The following NUP205 variants were observed in gnomAD, a reference collection of about 807,000 sequenced individuals.
NUP205 encodes the protein nuclear pore complex protein Nup205.
A neutral mutation model predicts 253.8 loss-of-function variants in NUP205; 76 were observed. That is an observed-to-expected ratio of 0.30 (90% confidence interval 0.25 to 0.36). The LOEUF (loss-of-function observed/expected upper bound fraction) is 0.36, where lower values mean the gene tolerates loss of function less well. Among genes scored for constraint, NUP205 ranks in the 10% least tolerant of loss-of-function variants. The probability of loss-of-function intolerance (pLI) is 1.00; values close to 1 mark genes in which losing one functional copy is unlikely to be tolerated. For missense variants in NUP205, 2,162 were observed against 2,425.5 expected, an observed-to-expected ratio of 0.89 and a Z score of 2.28; for synonymous variants, 832 against 850.1, an observed-to-expected ratio of 0.98 and a Z score of 0.37.
At chr7:135,585,607 G>A (rs1049652592) in intron 8 of NUP205, among the ~76,000 whole-genome samples, 4 of 151,546 alleles carry the variant, frequency 2.6e-5, no homozygotes, top group South Asian at 2.1e-4. Context: ...AGGCTGGAGT[G>A]CAGTGGTGTG....
At chr7:135,630,289 ATAAT>A in intron 34 of NUP205, 51 bp from the exon 35 acceptor site, 1 of 1,354,120 alleles carries the variant, frequency 7.4e-7, no homozygotes, top group Non-Finnish European at 9.9e-7. Flanking sequence ...GCATTTATAT[ATAAT>A]TTTCTACTTC....
intron 18 of NUP205, among the ~76,000 whole-genome samples, chr7:135,603,573 A>G (rs1343701924): frequency 6.7e-6 from 1 of 149,312 alleles, no homozygotes; most frequent in Non-Finnish European, 1.5e-5. Flanking sequence ...GCGGTGGTAC[A>G]ATCTTGGCTC....
At chr7:135,621,138 C>A (rs7784162) in intron 30 of NUP205, among the ~76,000 whole-genome samples, 36,364 of 152,080 alleles carry the variant, frequency 0.24, 4,513 homozygotes, top group South Asian at 0.32. Context: ...GTAAGGTTGA[C>A]TTGATCTCAT....
At chr7:135,574,204 C>CA (rs1806085546) in intron 3 of NUP205, among the ~76,000 whole-genome samples, 1 of 152,094 alleles carries the variant, frequency 6.6e-6, no homozygotes, top group Admixed American at 6.5e-5. Context: ...AAAGACATCT[C>CA]AGAAATTTTA....
rs1207805283 is a variant in NUP205, at chr7:135,648,748, A to C, written c.*192A>C. 9 of 382,224 alleles carry C rather than the reference A, an allele frequency of 2.4e-5. No homozygotes were observed. The highest frequency in any genetic ancestry group is 9.2e-6 in the Non-Finnish European group (2 of 218,254). 23.7% of individuals were successfully genotyped at this position (382,224 alleles called of 1,614,324 possible). On this transcript the variant is annotated 3_prime_UTR_variant, in exon 43 of 43. Coordinates refer to ENST00000285968, the MANE Select transcript of NUP205 (RefSeq NM_015135.3). Reference sequence around the variant, plus strand: ...TAAAAAATAAATACTTTTTAAAAAAACAAAACAAATGTATGGTTAATCTTT... The same window carrying C: ...TAAAAAATAAATACTTTTTAAAAAACCAAAACAAATGTATGGTTAATCTTT...
Position 135,648,496 on chromosome 7 carries a change from T to C in NUP205, c.5979T>C (p.Tyr1993=), listed in dbSNP as rs181956717. Residue 1993 remains tyrosine (Y), a synonymous_variant, in exon 43 of 43, where the codon TAT becomes TAC. Coordinates refer to ENST00000285968, the MANE Select transcript of NUP205 (RefSeq NM_015135.3). ...TATATTCAAAAGTTCGATCTCGATA[T>C]AGTTTCATACAGGCTCTTGTCAGAC... ...EGLYSKVRSR[Y]SFIQALVRRI... is the part of the protein sequence containing the mutation. 5.0e-6 allele frequency: 8 copies of C among 1,606,946 alleles called. No individual in the cohort carries two copies. The highest frequency in any genetic ancestry group is 2.3e-5 in the East Asian group (1 of 44,156).
Position 135,619,827 on chromosome 7 carries a change from C to T in NUP205, c.4269C>T (p.Gly1423=), listed in dbSNP as rs1407181274. 1 of 1,613,812 alleles carries T rather than the reference C, an allele frequency of 6.2e-7. No homozygotes were observed. The highest frequency in any genetic ancestry group is 1.3e-5 in the African/African-American group (1 of 75,026). Residue 1423 remains glycine, a synonymous_variant, in exon 30 of 43, where the codon GGC becomes GGT. Transcript: ENST00000285968. The part of the protein sequence containing the change: ...GFQRVRTHLY[G]SLLYYLQIAQ... Reference sequence around the variant, plus strand: ...AACGAGTGAGGACTCACTTGTATGGCTCTCTGCTTTATTACTTACAGATTG... The same window carrying T: ...AACGAGTGAGGACTCACTTGTATGGTTCTCTGCTTTATTACTTACAGATTG...
At chr7:135,578,617 A>G in intron 6 of NUP205, 134 bp from the exon 7 acceptor site, 1 of 586,820 alleles carries the variant, frequency 1.7e-6, no homozygotes, top group East Asian at 3.0e-5. Flanking sequence ...TTTGGGATGT[A>G]GAAATTAATG....
intron 39 of NUP205, among the ~76,000 whole-genome samples, chr7:135,643,766 G>C (rs1005794224): frequency 6.6e-6 from 1 of 152,126 alleles, no homozygotes; most frequent in African/African-American, 2.4e-5. Context: ...AGACTTGACT[G>C]CCTTCCCTCA....
chr7:135,614,162 A>G lies in NUP205; in HGVS notation c.3199A>G (p.Ile1067Val). 2 of 1,540,122 alleles carry G rather than the reference A, an allele frequency of 1.3e-6. No individual in the cohort carries two copies. The highest frequency in any genetic ancestry group is 1.8e-6 in the Non-Finnish European group (2 of 1,114,362). The change falls in exon 23 of 43, where the codon ATA becomes GTA. Residue 1067 changes from isoleucine (I) to valine (V), a missense_variant. Physicochemically the swap from Ile to Val is conservative, Grantham distance 29. Transcript: ENST00000285968. ...TTTTCTTACTTTAATGCTTTAGGTC[A>G]TATATCAGTTATGTGCATGCTCTGA... is the stretch of plus-strand genomic sequence containing the variant. Reference protein sequence around the residue: ...PQLAELCYQVIYQLCACSDTS... With the variant: ...PQLAELCYQVVYQLCACSDTS...
intron 33 of NUP205, among the ~76,000 whole-genome samples, chr7:135,627,528 C>CT (rs1181246109): frequency 6.6e-6 from 1 of 152,158 alleles, no homozygotes; most frequent in African/African-American, 2.4e-5. Flanking sequence ...TGCAACACTG[C>CT]TGGTACCAAG....
chr7:135,583,869 G>A (rs1447433075), intron 7 of NUP205, among the ~76,000 whole-genome samples: 2 of 146,956 alleles, frequency 1.4e-5, no homozygotes, highest in Non-Finnish European at 3.0e-5. Flanking sequence ...TTGAGACGGA[G>A]TTTTGCTCGT....
chr7:135,611,086 A>G (rs1584672455), intron 22 of NUP205, among the ~76,000 whole-genome samples: 1 of 150,226 alleles, frequency 6.7e-6, no homozygotes, highest in African/African-American at 2.5e-5. Context: ...GCTCACTGCA[A>G]CCTCCATCTC....
intron 1 of NUP205, among the ~76,000 whole-genome samples, 171 bp from the exon 2 acceptor site, chr7:135,570,934 T>C (rs1805981475): frequency 7.6e-6 from 1 of 132,230 alleles, no homozygotes; most frequent in Admixed American, 9.1e-5. Flanking sequence ...ATAGTTAATG[T>C]AACATACTAA....
In NUP205 at chr7:135,571,169, A is replaced by G; in HGVS notation, c.93A>G (p.Arg31=). ...AAGTGGGAAATGCTCTTTGGAGAAG[A>G]CAACCTGAAGCTGTTCACCTTCTTG... is the stretch of plus-strand genomic sequence containing the variant. The part of the protein sequence containing the change: ...WHKVGNALWR[R]QPEAVHLLDK... Residue 31 remains arginine, a synonymous_variant, in exon 2 of 43, where the codon AGA becomes AGG. Coordinates refer to ENST00000285968, the MANE Select transcript of NUP205 (RefSeq NM_015135.3). 6.5e-7 allele frequency: 1 copy of G among 1,537,100 alleles called. No homozygotes were observed. The highest frequency in any genetic ancestry group is 8.8e-7 in the Non-Finnish European group (1 of 1,140,542).
intron 1 of NUP205, among the ~76,000 whole-genome samples, 194 bp from the exon 2 acceptor site, chr7:135,570,911 A>G (rs898664865): frequency 7.9e-6 from 1 of 127,226 alleles, no homozygotes; most frequent in African/African-American, 3.0e-5. Context: ...TATATATAAT[A>G]TATTAATATA....
intron 36 of NUP205, among the ~76,000 whole-genome samples, chr7:135,635,958 T>C (rs888609551): frequency 3.3e-4 from 50 of 152,202 alleles, no homozygotes; most frequent in African/African-American, 9.2e-4. Flanking sequence ...AATTACATCA[T>C]AGTTTTGGTT....
chr7:135,617,065 T>A (rs1794377349), intron 25 of NUP205, 25 bp from the exon 26 acceptor site: 2 of 1,565,628 alleles, frequency 1.3e-6, no homozygotes, highest in Admixed American at 1.8e-5. Flanking sequence ...CCAAGTAAAA[T>A]CAAATTACTT....
intron 36 of NUP205, among the ~76,000 whole-genome samples, chr7:135,637,159 A>G (rs1189779427): frequency 5.9e-5 from 9 of 152,234 alleles, no homozygotes; most frequent in Non-Finnish European, 1.0e-4. Context: ...TAAGCACTTT[A>G]AATATAATAC....
Sources: allele counts gnomAD v4.1 joint callset (sites outside exome capture counted in the v4.1 genomes callset), GRCh38; gene constraint gnomAD v4.1.1; transcripts MANE v1.5; gene names NCBI Gene and HGNC (gene_info 2026-07-23, HGNC 2026-07-21).